Variants in UBE2L3 observed in about 807,000 individuals in gnomAD.
The protein encoded by UBE2L3 is ubiquitin conjugating enzyme E2 L3, also known as ubiquitin-conjugating enzyme E2 L3.
A neutral mutation model predicts 17.8 loss-of-function variants in UBE2L3; 1 was observed. That is an observed-to-expected ratio of 0.06 (90% CI 0.02 to 0.27). The LOEUF is 0.27. Among genes scored for constraint, UBE2L3 ranks in the 10% least tolerant of loss-of-function variants. The pLI, the probability that UBE2L3 is intolerant of heterozygous loss-of-function variation, is 1.00. For missense variants in UBE2L3, 40 were observed against 192.6 expected (o/e 0.21, Z 4.69); for synonymous variants, 44 against 68.5 (o/e 0.64, Z 1.76).
chr22:21,616,926 A>G (rs936282535), intron 3 of UBE2L3, among the ~76,000 whole-genome samples: 2 of 151,848 alleles, frequency 1.3e-5, no homozygotes, highest in African/African-American at 2.4e-5. Context: ...TTAAGAACAA[A>G]AGGGCCAGGC....
chr22:21,572,301 G>C (rs1389654777), intron 1 of UBE2L3, among the ~76,000 whole-genome samples: 1 of 151,900 alleles, frequency 6.6e-6, no homozygotes. Context: ...TGGGCGTGGT[G>C]GTGGGTGCCT....
upstream of UBE2L3, chr22:21,567,412 C>T (rs2148396308): frequency 6.7e-6 from 2 of 296,844 alleles, no homozygotes; most frequent in South Asian, 1.4e-4. Context: ...ATCCACCCGC[C>T]TCGGTCTCCC....
intron 2 of UBE2L3, among the ~76,000 whole-genome samples, chr22:21,609,903 G>C (rs1191695917): frequency 1.3e-5 from 2 of 152,272 alleles, no homozygotes; most frequent in African/African-American, 4.8e-5. Context: ...GCGGGTGCCT[G>C]TAATCCCAGC....
chr22:21,575,513 C>A lies in UBE2L3; in HGVS notation c.27+7742C>A, dbSNP rs556756277. ...CTGAGGCAGGAGAATCGCTTGAATC[C>A]GGGAGGCGGAGGTTGCAGTGAGCTG... On this transcript the variant is annotated intron_variant, in intron 1 of 3. Transcript: ENST00000342192. 5.9e-4 allele frequency among the ~76,000 whole-genome samples: 88 copies of A among 147,918 alleles called. 1 individual carries two copies. Among genetic ancestry groups the A allele is most frequent in the African/African-American group, 2.1e-3 (86 of 40,440 alleles).
chr22:21,619,275 G>C (rs1362843065), intron 3 of UBE2L3, among the ~76,000 whole-genome samples: 3 of 152,156 alleles, frequency 2.0e-5, no homozygotes, highest in Admixed American at 2.0e-4. Context: ...TACCTCCAGG[G>C]CCTGCTGCCT....
At chr22:21,603,490 A>G (rs1433085033) in intron 2 of UBE2L3, among the ~76,000 whole-genome samples, 1 of 138,112 alleles carries the variant, frequency 7.2e-6, no homozygotes, top group East Asian at 2.4e-4. Flanking sequence ...AGATCGTGCC[A>G]TTGCACTCCT....
At chr22:21,597,150 T>A (rs1352442658) in intron 2 of UBE2L3, among the ~76,000 whole-genome samples, 1 of 151,938 alleles carries the variant, frequency 6.6e-6, no homozygotes, top group Non-Finnish European at 1.5e-5. Flanking sequence ...GGCTAATTTT[T>A]GTATTTTTTG....
At position 21,623,484 on chromosome 22, in the gene UBE2L3, T is replaced by C. The variant is rs1930151726; in HGVS notation, c.*1815T>C. 6.5e-6 allele frequency: 1 copy of C among 152,796 alleles called. No individual in the cohort carries two copies. The highest frequency in any genetic ancestry group is 2.1e-4 in the South Asian group (1 of 4,834). The allele number at this position is 152,796 out of a possible 1,614,324, so 9.5% of individuals were successfully genotyped here. The stretch of plus-strand genomic sequence containing the variant: ...ATAAAATGCCAAATTCTGTCAGCTA[T>C]CCAAACAAGCCACCATTTGTTCTTG... On this transcript the variant is annotated 3_prime_UTR_variant, in exon 4 of 4. Coordinates refer to ENST00000342192, the MANE Select transcript of UBE2L3 (RefSeq NM_003347.4).
At chr22:21,561,808 G>T (rs1201493143) in intron 1 of UBE2L3, among the ~76,000 whole-genome samples, 3 of 152,380 alleles carry the variant, frequency 2.0e-5, no homozygotes, top group Non-Finnish European at 2.9e-5. Context: ...TCAGAGGGAG[G>T]TTGAGGCAAA....
chr22:21,573,870 A>G (rs936578233), intron 1 of UBE2L3, among the ~76,000 whole-genome samples: 17 of 152,278 alleles, frequency 1.1e-4, no homozygotes, highest in South Asian at 6.2e-4. Flanking sequence ...CCAGATTGGC[A>G]TGTCCAGTGC....
At chr22:21,577,140 T>A (rs1356813813) in intron 1 of UBE2L3, among the ~76,000 whole-genome samples, 1 of 152,154 alleles carries the variant, frequency 6.6e-6, no homozygotes, top group Non-Finnish European at 1.5e-5. Context: ...AGCTAATCTT[T>A]TGTATTTTTA....
At position 21,623,716 on chromosome 22, in the gene UBE2L3, C is replaced by G; in HGVS notation, c.*2047C>G. The G allele has an allele frequency of 6.5e-6, 1 of 152,916 alleles. No individual in the cohort carries two copies. Among genetic ancestry groups the G allele is most frequent in the East Asian group, 1.9e-4 (1 of 5,266 alleles). 9.5% of individuals were successfully genotyped at this position (152,916 alleles called of 1,614,324 possible). A position where few individuals can be genotyped will look rare whatever the true frequency, so the allele number is the denominator to read the frequency against. On this transcript the variant is annotated 3_prime_UTR_variant, in exon 4 of 4. Coordinates refer to ENST00000342192, the MANE Select transcript of UBE2L3 (RefSeq NM_003347.4). ...GCCCCGTCAGCAGAGGCTTGGCTTTCGAGCCAGTGGGTGTCTCTCCTTTGG... is the reference window on the plus strand; with the variant it reads ...GCCCCGTCAGCAGAGGCTTGGCTTTGGAGCCAGTGGGTGTCTCTCCTTTGG...
Position 21,592,788 on chromosome 22 carries a change from G to C in UBE2L3, c.28-73G>C, listed in dbSNP as rs1601418320. 5.0e-6 allele frequency: 6 copies of C among 1,192,728 alleles called. No homozygotes were observed. The East Asian group carries it at 1.4e-4, about 29-fold the overall frequency. The allele number at this position is 1,192,728 out of a possible 1,614,324, so 73.9% of individuals were successfully genotyped here. A position where few individuals can be genotyped will look rare whatever the true frequency, so the allele number is the denominator to read the frequency against. ...ATTTTTGGCACTTGGTTTAATTTGAGGGCATCAGGAGGGATCTTAATATGT... is the reference window on the plus strand; with the variant it reads ...ATTTTTGGCACTTGGTTTAATTTGACGGCATCAGGAGGGATCTTAATATGT... On this transcript the variant is annotated intron_variant, in intron 1 of 3. Coordinates refer to ENST00000342192, the MANE Select transcript of UBE2L3 (RefSeq NM_003347.4).
intron 2 of UBE2L3, among the ~76,000 whole-genome samples, chr22:21,599,791 T>C: frequency 6.6e-6 from 1 of 152,104 alleles, no homozygotes. Context: ...GATTTTTTGT[T>C]TGTTTTGTTT....
Position 21,616,938 on chromosome 22 carries a change from C to T in UBE2L3, c.311-4577C>T, listed in dbSNP as rs112769726. 9.1e-3 allele frequency among the ~76,000 whole-genome samples: 1,379 copies of T among 151,780 alleles called. 14 individuals carry two copies. Among genetic ancestry groups the T allele is most frequent in the African/African-American group, 0.032 (1,315 of 41,388 alleles). On this transcript the variant is annotated intron_variant, in intron 3 of 3. Coordinates refer to ENST00000342192, the MANE Select transcript of UBE2L3 (RefSeq NM_003347.4). ...TCATTAAGAACAAAAGGGCCAGGCA[C>T]GGTGGCTCATGTCTGTAATCCCAGC...
At chr22:21,619,789 T>G (rs1929961164) in intron 3 of UBE2L3, among the ~76,000 whole-genome samples, 2 of 152,192 alleles carry the variant, frequency 1.3e-5, no homozygotes, top group African/African-American at 4.8e-5. Flanking sequence ...TCTCCCGGGT[T>G]CAAGCGATTC....
intron 3 of UBE2L3, chr22:21,614,632 G>A: frequency 2.2e-6 from 3 of 1,366,856 alleles, no homozygotes; most frequent in Non-Finnish European, 2.9e-6. Flanking sequence ...TTCACAACCT[G>A]TAGCTGACTT....
chr22:21,579,180 G>A (rs1021529192), intron 1 of UBE2L3, among the ~76,000 whole-genome samples: 3 of 151,704 alleles, frequency 2.0e-5, no homozygotes, highest in South Asian at 2.1e-4. Context: ...TAGTAGAGAC[G>A]GGGGTTTCAC....
intron 2 of UBE2L3, among the ~76,000 whole-genome samples, chr22:21,596,156 G>A (rs760718574): frequency 7.9e-5 from 12 of 152,270 alleles, no homozygotes; most frequent in South Asian, 2.1e-4. Flanking sequence ...GAGCCACCAC[G>A]CTGGCCTTCA....
Sources: gnomAD v4.1 joint callset for allele counts (sites outside exome capture counted in the v4.1 genomes callset) on GRCh38, gnomAD v4.1.1 for gene constraint, MANE v1.5 for transcripts, NCBI Gene and HGNC (gene_info 2026-07-23, HGNC 2026-07-21) for gene names.